The following PRKN variants were observed in gnomAD, a reference collection of about 807,000 sequenced individuals.
PRKN encodes E3 ubiquitin-protein ligase parkin.
A neutral mutation model predicts 59.5 loss-of-function variants in PRKN; 56 were observed. The ratio of observed to expected loss-of-function variants is 0.94; its 90% CI spans 0.76 to 1.18. The LOEUF is 1.18. Among genes scored for constraint, PRKN ranks in the 50% most tolerant of loss-of-function variants. The pLI is 0.00. For synonymous variants in PRKN, 250 were observed against 222.1 expected, an observed-to-expected ratio of 1.13 and a Z score of -1.12; for missense variants, 657 against 596.4, an observed-to-expected ratio of 1.10 and a Z score of -1.06.
chr6:161,703,770 T>A (rs1786351471), intron 7 of PRKN, among the ~76,000 whole-genome samples: 1 of 151,260 alleles, frequency 6.6e-6, no homozygotes, highest in South Asian at 2.1e-4. Flanking sequence ...AATTTGTATG[T>A]GTCTAGTCAG....
chr6:161,652,860 A>G (rs1032460891), intron 7 of PRKN, among the ~76,000 whole-genome samples: 1 of 152,210 alleles, frequency 6.6e-6, no homozygotes, highest in Admixed American at 6.5e-5. Context: ...AGGTGATGTA[A>G]AGTTATAAAA....
At chr6:162,401,665 A>C (rs1787799007) in intron 2 of PRKN, among the ~76,000 whole-genome samples, 1 of 152,186 alleles carries the variant, frequency 6.6e-6, no homozygotes, top group South Asian at 2.1e-4. Flanking sequence ...TCATAAGTTG[A>C]GCATCATCTT....
intron 1 of PRKN, among the ~76,000 whole-genome samples, chr6:162,566,080 T>G (rs1176295592): frequency 1.3e-5 from 2 of 152,082 alleles, no homozygotes; most frequent in Non-Finnish European, 2.9e-5. Flanking sequence ...CCAGATATAT[T>G]AAGATAAAGC....
At chr6:162,082,739 T>C (rs1779105305) in intron 4 of PRKN, among the ~76,000 whole-genome samples, 1 of 151,950 alleles carries the variant, frequency 6.6e-6, no homozygotes, top group South Asian at 2.1e-4. Flanking sequence ...ATCATAGGAC[T>C]AATTGGCCCA....
intron 3 of PRKN, among the ~76,000 whole-genome samples, chr6:162,217,452 C>T (rs931499295): frequency 1.2e-4 from 18 of 152,178 alleles, no homozygotes; most frequent in African/African-American, 4.3e-4. Flanking sequence ...GCTACCTCAG[C>T]TCACTGCAAC....
At chr6:161,904,160 T>C (rs540113182) in intron 6 of PRKN, among the ~76,000 whole-genome samples, 15 of 152,062 alleles carry the variant, frequency 9.9e-5, no homozygotes, top group African/African-American at 3.1e-4. Flanking sequence ...AACTTTTTAT[T>C]TGGATTAATT....
rs1205724084 is a variant in PRKN, at chr6:161,467,465, G to A, written c.1084-80588C>T. 6.6e-6 allele frequency among the ~76,000 whole-genome samples: 1 copy of A among 152,144 alleles called. No homozygotes were observed. The highest frequency in any genetic ancestry group is 1.9e-4 in the East Asian group (1 of 5,190). On this transcript the variant is annotated intron_variant, in intron 9 of 11. Transcript: ENST00000366898. This position sits in a 1 kb window ranked among gnomAD's most constrained non-coding sequence, Gnocchi z 4.3. Reference sequence around the variant, plus strand: ...TTAAGAGTGTAATGACGAGTAAGATGGGCATTTCTCTGTAAGCATATGGTC... The same window carrying A: ...TTAAGAGTGTAATGACGAGTAAGATAGGCATTTCTCTGTAAGCATATGGTC...
chr6:161,720,766 A>AT lies in PRKN; in HGVS notation c.871+65005dup, dbSNP rs5881428. Among the ~76,000 whole-genome samples, 406 of 132,194 alleles carry AT rather than the reference A, an allele frequency of 3.1e-3. 2 individuals are homozygous for AT. The highest frequency in any genetic ancestry group is 0.012 in the African/African-American group (296 of 25,590). The allele number at this position is 132,194 out of a possible 152,430, so 86.7% of individuals were successfully genotyped here. A position where few individuals can be genotyped will look rare whatever the true frequency, so the allele number is the denominator to read the frequency against. On this transcript the variant is annotated intron_variant, in intron 7 of 11. Transcript: ENST00000366898. ...TATTCTCATAGGTACTTTTAAAACT[A>AT]TTTTTTTTTTTTTAACTATTTTTAA...
intron 4 of PRKN, among the ~76,000 whole-genome samples, chr6:162,132,971 C>T (rs1781428522): frequency 6.6e-6 from 1 of 152,170 alleles, no homozygotes; most frequent in Non-Finnish European, 1.5e-5. Flanking sequence ...GCTCATTTGG[C>T]CACAGCACCG....
chr6:162,405,769 C>T (rs536898781), intron 2 of PRKN, among the ~76,000 whole-genome samples: 28 of 152,158 alleles, frequency 1.8e-4, no homozygotes, highest in East Asian at 9.7e-4. Context: ...ATGTGCCATC[C>T]GCAAGCCAAG....
chr6:161,493,967 G>T (rs752380972), intron 9 of PRKN, among the ~76,000 whole-genome samples: 1 of 152,146 alleles, frequency 6.6e-6, no homozygotes, highest in Admixed American at 6.5e-5. Context: ...AGGGACGCTC[G>T]ATCAGCCGTT....
chr6:162,176,141 T>C (rs1783521629), intron 4 of PRKN, among the ~76,000 whole-genome samples: 1 of 152,112 alleles, frequency 6.6e-6, no homozygotes, highest in Admixed American at 6.6e-5. Flanking sequence ...AGCCTTAAAG[T>C]CCTATAAAAG....
intron 7 of PRKN, among the ~76,000 whole-genome samples, chr6:161,666,079 G>A (rs1784715202): frequency 6.6e-6 from 1 of 152,194 alleles, no homozygotes; most frequent in Non-Finnish European, 1.5e-5. Context: ...AGTCCCGTGA[G>A]CCTCTTCTAT....
At chr6:162,312,200 C>T (rs1156602408) in intron 2 of PRKN, among the ~76,000 whole-genome samples, 1 of 152,098 alleles carries the variant, frequency 6.6e-6, no homozygotes, top group Non-Finnish European at 1.5e-5. Context: ...AAGAATTTTA[C>T]CTTTATCCCA....
intron 1 of PRKN, among the ~76,000 whole-genome samples, chr6:162,454,592 G>C (rs1562777390): frequency 6.6e-6 from 1 of 152,210 alleles, no homozygotes; most frequent in Non-Finnish European, 1.5e-5. Context: ...CTCTGTGTCA[G>C]TGGCTTTCAC....
intron 2 of PRKN, among the ~76,000 whole-genome samples, chr6:162,396,955 T>G (rs1006460084): frequency 6.6e-6 from 1 of 152,174 alleles, no homozygotes; most frequent in African/African-American, 2.4e-5. Context: ...CACACAGGCA[T>G]AGGGTTTGAC....
chr6:161,426,676 C>CA (rs11271613), intron 9 of PRKN, among the ~76,000 whole-genome samples: 1 of 142,678 alleles, frequency 7.0e-6, no homozygotes, highest in African/African-American at 2.7e-5. Flanking sequence ...CACACACACA[C>CA]CTCCTATTAG....
At chr6:162,110,398 C>T (rs1450464484) in intron 4 of PRKN, among the ~76,000 whole-genome samples, 2 of 152,112 alleles carry the variant, frequency 1.3e-5, no homozygotes, top group Admixed American at 1.3e-4. Context: ...AACTTCTGTG[C>T]CAAAAAGCAA....
intron 3 of PRKN, among the ~76,000 whole-genome samples, chr6:162,217,824 G>T (rs1777751540): frequency 6.6e-6 from 1 of 152,152 alleles, no homozygotes; most frequent in Admixed American, 6.6e-5. Context: ...CCAGCTTGGG[G>T]TTGTCTCTCA....
Sources: gnomAD v4.1 joint callset for allele counts (sites outside exome capture counted in the v4.1 genomes callset) on GRCh38, gnomAD v4.1.1 for gene constraint, Gnocchi (gnomAD v3.1) non-coding constraint, MANE v1.5 for transcripts, NCBI Gene and HGNC (gene_info 2026-07-23, HGNC 2026-07-21) for gene names.